Variants in WDR41 observed in about 807,000 individuals in gnomAD.
WDR41 encodes WD repeat-containing protein 41.
A neutral mutation model predicts 69.3 loss-of-function variants in WDR41; 63 were observed. The observed-to-expected ratio is 0.91, with a 90% CI of 0.74 to 1.12. The LOEUF (loss-of-function observed/expected upper bound fraction) is 1.12. Ranked by LOEUF, WDR41 falls within the 50% of genes most tolerant of loss-of-function variation. WDR41 has a pLI of 0.00. For synonymous variants in WDR41, 185 were observed against 192.1 expected, an observed-to-expected ratio of 0.96 and a Z score of 0.31; for missense variants, 543 against 534.5, an observed-to-expected ratio of 1.02 and a Z score of -0.16.
At chr5:77,527,136 C>G (rs1038328264) in intron 1 of WDR41, among the ~76,000 whole-genome samples, 1 of 151,910 alleles carries the variant, frequency 6.6e-6, no homozygotes, top group Non-Finnish European at 1.5e-5. Flanking sequence ...CCTAGCAAAG[C>G]AGAAATACCA....
chr5:77,556,239 G>T (rs1481068772), intron 1 of WDR41, among the ~76,000 whole-genome samples: 1 of 151,754 alleles, frequency 6.6e-6, no homozygotes, highest in Non-Finnish European at 1.5e-5. Flanking sequence ...GAAATAGCTG[G>T]GATTATAGGC....
At chr5:77,478,760 T>C (rs1801086704) in intron 2 of WDR41, among the ~76,000 whole-genome samples, 1 of 150,332 alleles carries the variant, frequency 6.7e-6, no homozygotes, top group Admixed American at 6.6e-5. Context: ...CTTTGAAAAC[T>C]GGCACAAGAC....
intron 1 of WDR41, among the ~76,000 whole-genome samples, chr5:77,611,550 A>G (rs1220118573): frequency 3.9e-5 from 6 of 152,274 alleles, no homozygotes; most frequent in African/African-American, 9.6e-5. Flanking sequence ...CTGCTCCTGA[A>G]TGACTACTGG....
intron 9 of WDR41, among the ~76,000 whole-genome samples, chr5:77,438,961 T>C (rs1028636102): frequency 2.0e-5 from 3 of 152,218 alleles, no homozygotes; most frequent in African/African-American, 7.2e-5. Context: ...CTAATACTTA[T>C]CTCACTTCAG....
At chr5:77,472,378 C>T (rs1266572787) in intron 2 of WDR41, among the ~76,000 whole-genome samples, 4 of 151,534 alleles carry the variant, frequency 2.6e-5, no homozygotes, top group African/African-American at 7.3e-5. Context: ...CAGGGATGCC[C>T]TCTCTCACCA....
chr5:77,520,225 T>C (rs1373712862), intron 1 of WDR41, among the ~76,000 whole-genome samples: 6 of 152,096 alleles, frequency 3.9e-5, no homozygotes, highest in Non-Finnish European at 8.8e-5. Context: ...TGAAAAAGGG[T>C]CTACGCTAAT....
intron 1 of WDR41, among the ~76,000 whole-genome samples, chr5:77,555,039 A>G (rs974979115): frequency 1.3e-5 from 2 of 151,564 alleles, no homozygotes; most frequent in Non-Finnish European, 2.9e-5. Context: ...GCTGTACCTG[A>G]TTGTACCACT....
chr5:77,506,195 AAAAC>A (rs1406923178), intron 1 of WDR41, among the ~76,000 whole-genome samples: 1 of 152,222 alleles, frequency 6.6e-6, no homozygotes, highest in African/African-American at 2.4e-5. Context: ...TTACAAGAAA[AAAAC>A]AAACAACCTC....
At chr5:77,444,166 C>G (rs1314437796) in intron 8 of WDR41, among the ~76,000 whole-genome samples, 1 of 152,164 alleles carries the variant, frequency 6.6e-6, no homozygotes, top group African/African-American at 2.4e-5. Context: ...AGGCGTGAGT[C>G]ACTGCACCTG....
chr5:77,603,002 A>C (rs1034409240), intron 1 of WDR41, among the ~76,000 whole-genome samples: 4 of 148,998 alleles, frequency 2.7e-5, no homozygotes, highest in Non-Finnish European at 4.4e-5. Context: ...GCAGTGGCTC[A>C]ATCTCGACTC....
chr5:77,547,975 C>T (rs1337520416), intron 1 of WDR41, among the ~76,000 whole-genome samples: 5 of 151,502 alleles, frequency 3.3e-5, no homozygotes, highest in African/African-American at 4.9e-5. Flanking sequence ...CAGAAATAAA[C>T]CCAAATACTT....
At chr5:77,464,860 T>C in intron 2 of WDR41, 51 bp from the exon 3 acceptor site, 2 of 1,569,682 alleles carry the variant, frequency 1.3e-6, no homozygotes, top group Non-Finnish European at 1.8e-6. Context: ...GACATTTAAT[T>C]ACTAAGATTA....
chr5:77,463,090 G>C lies in WDR41; in HGVS notation c.348+5C>G, dbSNP rs1342961261. ...CTTGTTCATTTCTTCCAGATTAAAG[G>C]ATACAATAACTGTTCTATCAGCAGA... On this transcript the variant is annotated splice_donor_5th_base_variant and intron_variant, in intron 4 of 12. Transcript: ENST00000296679. 1 of 1,610,688 alleles carries C rather than the reference G, an allele frequency of 6.2e-7. No individual in the cohort carries two copies. Among genetic ancestry groups the C allele is most frequent in the Non-Finnish European group, 8.5e-7 (1 of 1,178,692 alleles).
At chr5:77,542,615 G>A (rs1561219401) in intron 1 of WDR41, among the ~76,000 whole-genome samples, 1 of 152,140 alleles carries the variant, frequency 6.6e-6, no homozygotes, top group Non-Finnish European at 1.5e-5. Context: ...ATAAGACAGA[G>A]CATGTAAGCC....
intron 1 of WDR41, among the ~76,000 whole-genome samples, chr5:77,619,144 T>C (rs543663730): frequency 2.1e-4 from 32 of 152,352 alleles, no homozygotes; most frequent in Admixed American, 4.6e-4. Context: ...GGTGATTACA[T>C]AAGCAGCTCA....
intron 1 of WDR41, among the ~76,000 whole-genome samples, chr5:77,512,537 G>A (rs1802225883): frequency 6.6e-6 from 1 of 151,632 alleles, no homozygotes. Flanking sequence ...GGATCATGAG[G>A]TCAAGAGATC....
intron 1 of WDR41, among the ~76,000 whole-genome samples, chr5:77,507,436 T>A (rs1247835112): frequency 1.3e-5 from 2 of 152,214 alleles, no homozygotes; most frequent in African/African-American, 4.8e-5. Context: ...TGCTATATCT[T>A]ATACTTGTTG....
intron 1 of WDR41, among the ~76,000 whole-genome samples, chr5:77,612,201 T>A (rs1446116047): frequency 6.6e-6 from 1 of 152,186 alleles, no homozygotes; most frequent in Non-Finnish European, 1.5e-5. Context: ...ACAGCCAAAT[T>A]CTACCAGAGG....
chr5:77,570,340 C>T (rs190987462), intron 1 of WDR41, among the ~76,000 whole-genome samples: 7 of 151,636 alleles, frequency 4.6e-5, no homozygotes, highest in African/African-American at 1.7e-4. Context: ...TAAAAATTAT[C>T]ATTATCATCT....
Sources: allele counts gnomAD v4.1 joint callset (sites outside exome capture counted in the v4.1 genomes callset), GRCh38; gene constraint gnomAD v4.1.1; transcripts MANE v1.5; gene names NCBI Gene and HGNC (gene_info 2026-07-23, HGNC 2026-07-21).